TMEM131: variants seen among roughly 807,000 people sequenced by gnomAD.
TMEM131 encodes 2610524E03Rik.
In TMEM131, 66 loss-of-function variants were observed where a neutral mutation model predicts 211.6. That is an observed-to-expected ratio of 0.31 (90% CI 0.26 to 0.38). The LOEUF (loss-of-function observed/expected upper bound fraction) is 0.38. Ranked by LOEUF, TMEM131 falls within the 10% of genes least tolerant of loss-of-function variation. The probability of loss-of-function intolerance (pLI) is 1.00; values close to 1 mark genes in which losing one functional copy is unlikely to be tolerated. For missense variants in TMEM131, 2,036 were observed against 2,299.3 expected, an observed-to-expected ratio of 0.89 and a Z score of 2.34; for synonymous variants, 844 against 841.3, an observed-to-expected ratio of 1.00 and a Z score of -0.06.
intron 1 of TMEM131, among the ~76,000 whole-genome samples, chr2:97,955,630 A>G (rs145085427): frequency 0.018 from 2,717 of 152,346 alleles, 32 homozygotes; most frequent in Non-Finnish European, 0.029. Flanking sequence ...ACAAAAATCA[A>G]TAACATTTCT....
intron 3 of TMEM131, among the ~76,000 whole-genome samples, chr2:97,908,295 G>T (rs539735133): frequency 6.6e-6 from 1 of 152,066 alleles, no homozygotes. Context: ...CTTCTCTGGG[G>T]GCCTGCGGGC....
chr2:97,914,942 C>T (rs149456805), intron 2 of TMEM131, among the ~76,000 whole-genome samples: 15 of 152,300 alleles, frequency 9.8e-5, no homozygotes, highest in Middle Eastern at 6.8e-3. Flanking sequence ...TAGATTTATA[C>T]GAAACTGCCA....
At chr2:97,761,626 A>C (rs1678856697) in intron 36 of TMEM131, 1 of 165,106 alleles carries the variant, frequency 6.1e-6, no homozygotes, top group Admixed American at 5.7e-5. Context: ...GTCTTGGACC[A>C]GGTCCTGCCC....
rs370140530 is a variant in TMEM131, at chr2:97,772,283, C to T, written c.4448+14G>A. 5.7e-5 allele frequency: 91 copies of T among 1,596,088 alleles called. No individual in the cohort carries two copies. The highest frequency in any genetic ancestry group is 7.0e-5 in the Non-Finnish European group (82 of 1,175,830). On this transcript the variant is annotated intron_variant, in intron 33 of 40. Transcript: ENST00000186436. ...TTTATAGACCTTATTTCTCTGTACA[C>T]TTATTTCTCTCACCTGGGTTTCACA...
intron 35 of TMEM131, chr2:97,762,435 G>A: frequency 2.4e-6 from 1 of 412,054 alleles, no homozygotes; most frequent in East Asian, 5.7e-5. Flanking sequence ...GTGTTGTGTG[G>A]CGGACAGTCA....
At chr2:97,887,001 C>T (rs956505849) in intron 4 of TMEM131, among the ~76,000 whole-genome samples, 1 of 152,238 alleles carries the variant, frequency 6.6e-6, no homozygotes, top group African/African-American at 2.4e-5. Context: ...GGCTGTTTTT[C>T]AGGCGTGGGA....
At chr2:97,910,464 G>A (rs1410445445) in intron 2 of TMEM131, among the ~76,000 whole-genome samples, 44 of 152,132 alleles carry the variant, frequency 2.9e-4, no homozygotes, top group Non-Finnish European at 2.9e-5. Context: ...CAACCATTAA[G>A]GGGTAGAAGC....
At chr2:97,921,067 G>A (rs1002653763) in intron 2 of TMEM131, among the ~76,000 whole-genome samples, 8 of 151,810 alleles carry the variant, frequency 5.3e-5, no homozygotes, top group African/African-American at 1.5e-4. Flanking sequence ...AGACATTACT[G>A]AGAAGAATAA....
At chr2:97,968,852 G>C (rs1679171619) in intron 1 of TMEM131, among the ~76,000 whole-genome samples, 1 of 152,116 alleles carries the variant, frequency 6.6e-6, no homozygotes, top group Non-Finnish European at 1.5e-5. Flanking sequence ...GGAGGCCAAA[G>C]TGGGAGGATG....
At position 97,969,086 on chromosome 2, in the gene TMEM131, C is replaced by CAAAA. The variant is rs397698283; in HGVS notation, c.187+26386_187+26389dup. ...TGGGTGACAGAGACAGACTCTGTTTCAAAAAAAAAAAAAGGAAAAGGATAT... is the reference window on the plus strand; with the variant it reads ...TGGGTGACAGAGACAGACTCTGTTTCAAAAAAAAAAAAAAAAAGGAAAAGGATAT... On this transcript the variant is annotated intron_variant, in intron 1 of 40. Transcript: ENST00000186436. 2.1e-3 allele frequency among the ~76,000 whole-genome samples: 290 copies of CAAAA among 140,956 alleles called. 2 individuals carry two copies. In the East Asian group the frequency reaches 0.026, roughly 13 times the overall value. The allele number at this position is 140,956 out of a possible 152,430, so 92.5% of individuals were successfully genotyped here.
intron 31 of TMEM131, among the ~76,000 whole-genome samples, chr2:97,779,609 A>C (rs1411743188): frequency 1.3e-5 from 2 of 152,256 alleles, no homozygotes; most frequent in Non-Finnish European, 2.9e-5. Flanking sequence ...GGACCTTGTT[A>C]GAAATGCAAA....
At chr2:97,801,629 C>T (rs569798140) in intron 25 of TMEM131, among the ~76,000 whole-genome samples, 8 of 152,284 alleles carry the variant, frequency 5.3e-5, no homozygotes, top group Admixed American at 5.2e-4. Context: ...CTCAGAATTT[C>T]TGTAATTATT....
At chr2:97,824,212 CCCAGAGGGCAAAGGTTCTCTAGG>C (rs1326949159) in intron 11 of TMEM131, among the ~76,000 whole-genome samples, 1 of 152,238 alleles carries the variant, frequency 6.6e-6, no homozygotes, top group Non-Finnish European at 1.5e-5. Context: ...GGCACACTGC[CCCAGAGGGCAAAGGTTCTCTAGG>C]CCAGAAGCCC....
At chr2:97,861,418 T>G (rs776661681) in intron 4 of TMEM131, among the ~76,000 whole-genome samples, 9 of 151,378 alleles carry the variant, frequency 5.9e-5, no homozygotes, top group Non-Finnish European at 1.2e-4. Flanking sequence ...ACAAGGACTT[T>G]GTCTTGCATC....
intron 31 of TMEM131, among the ~76,000 whole-genome samples, chr2:97,779,963 T>C (rs1679918694): frequency 2.6e-5 from 4 of 152,018 alleles, no homozygotes; most frequent in African/African-American, 9.7e-5. Flanking sequence ...GAGGTTATAG[T>C]GAGTTATGAT....
chr2:97,961,102 T>C (rs1175173261), intron 1 of TMEM131, among the ~76,000 whole-genome samples: 10 of 148,496 alleles, frequency 6.7e-5, no homozygotes, highest in Non-Finnish European at 1.0e-4. Flanking sequence ...CCCCCCAAAA[T>C]TGGGAACAAG....
rs113592231 is a variant in TMEM131, at chr2:97,995,467, G to A, written c.187+9C>T. On this transcript the variant is annotated intron_variant, in intron 1 of 40. Transcript: ENST00000186436. The stretch of plus-strand genomic sequence containing the variant: ...CCCCGCCGCAGGGACGCCGCCGGGG[G>A]ACACCCACCTTCCTTCTCGGCCCGC... The A allele has an allele frequency of 5.7e-6, 8 of 1,392,188 alleles. No homozygotes were observed. In the East Asian group the frequency reaches 1.9e-4, roughly 33 times the overall value. The allele number at this position is 1,392,188 out of a possible 1,614,324, so 86.2% of individuals were successfully genotyped here.
chr2:97,793,278 T>A, intron 30 of TMEM131, 117 bp downstream of exon 30: 1 of 1,104,534 alleles, frequency 9.1e-7, no homozygotes, highest in East Asian at 2.5e-5. Flanking sequence ...TATTAAGTAA[T>A]CAGAATTAAG....
intron 2 of TMEM131, among the ~76,000 whole-genome samples, chr2:97,924,922 C>T (rs1222903039): frequency 1.3e-5 from 2 of 152,154 alleles, no homozygotes; most frequent in Middle Eastern, 3.2e-3. Context: ...CTCTGCTGCC[C>T]AGGCTGGAGT....
Sources: gnomAD v4.1 joint callset for allele counts (sites outside exome capture counted in the v4.1 genomes callset) on GRCh38, gnomAD v4.1.1 for gene constraint, MANE v1.5 for transcripts, NCBI Gene and HGNC (gene_info 2026-07-23, HGNC 2026-07-21) for gene names.